The following NKAIN2 variants were observed in gnomAD, a reference collection of about 807,000 sequenced individuals.
NKAIN2 encodes the protein sodium/potassium transporting ATPase interacting 2.
Under a neutral mutation model 32.6 loss-of-function variants are expected in NKAIN2, and 14 were observed. The ratio of observed to expected loss-of-function variants is 0.43; its 90% CI spans 0.28 to 0.67. The LOEUF (loss-of-function observed/expected upper bound fraction) is 0.67, where lower values mean the gene tolerates loss of function less well. Ranked by LOEUF, NKAIN2 falls within the 30% of genes least tolerant of loss-of-function variation. NKAIN2 has a pLI of 0.17. For synonymous variants in NKAIN2, 80 were observed against 87.2 expected (o/e 0.92, Z 0.46); for missense variants, 198 against 258.3 (o/e 0.77, Z 1.60).
At chr6:124,345,398 A>C (rs1798360623) in intron 2 of NKAIN2, among the ~76,000 whole-genome samples, 1 of 152,198 alleles carries the variant, frequency 6.6e-6, no homozygotes, top group South Asian at 2.1e-4. Flanking sequence ...GAATTGTTTC[A>C]GAAGGAATTA....
chr6:124,278,650 CATATATATATATATAT>C lies in NKAIN2; in HGVS notation c.55-4330_55-4315del, dbSNP rs57008229. Among the ~76,000 whole-genome samples the C allele has an allele frequency of 3.3e-3, 226 of 68,994 alleles. 8 individuals carry two copies. The highest frequency in any genetic ancestry group is 3.5e-3 in the Non-Finnish European group (113 of 32,416). 45.3% of individuals were successfully genotyped at this position (68,994 alleles called of 152,430 possible). A position where few individuals can be genotyped will look rare whatever the true frequency, so the allele number is the denominator to read the frequency against. ...CACACAAACACACATATACATAGCT[CATATATATATATATAT>C]ATATATATATATATATATATATATG... On this transcript the variant is annotated intron_variant, in intron 1 of 6. Coordinates refer to ENST00000368417, the MANE Select transcript of NKAIN2 (RefSeq NM_001040214.3).
At position 124,205,900 on chromosome 6, in the gene NKAIN2, T is replaced by C. The variant is rs145507547; in HGVS notation, c.55-77105T>C. The stretch of plus-strand genomic sequence containing the variant: ...ATTTTCCATTCTTAAACAACAGGTT[T>C]ACTGTTATCCGTAATATACCTTAGT... On this transcript the variant is annotated intron_variant, in intron 1 of 6. Transcript: ENST00000368417. 9.2e-5 allele frequency among the ~76,000 whole-genome samples: 14 copies of C among 152,050 alleles called. No homozygotes were observed. The East Asian group carries it at 2.7e-3, about 29-fold the overall frequency.
intron 2 of NKAIN2, among the ~76,000 whole-genome samples, chr6:124,321,659 T>C (rs1287658129): frequency 1.3e-5 from 2 of 152,096 alleles, no homozygotes; most frequent in African/African-American, 2.4e-5. Flanking sequence ...AGCCAGGATA[T>C]ACCATGTCAT....
At chr6:124,281,864 A>G (rs916768522) in intron 1 of NKAIN2, among the ~76,000 whole-genome samples, 4 of 152,228 alleles carry the variant, frequency 2.6e-5, no homozygotes, top group African/African-American at 9.6e-5. Context: ...CTGAAAAGAA[A>G]TATCATTAAA....
intron 3 of NKAIN2, among the ~76,000 whole-genome samples, chr6:124,528,147 A>T (rs982285440): frequency 2.6e-5 from 4 of 152,194 alleles, no homozygotes; most frequent in African/African-American, 9.6e-5. Context: ...TCCATTTAAG[A>T]GGCTATTAAG....
intron 3 of NKAIN2, among the ~76,000 whole-genome samples, chr6:124,618,616 C>T (rs1782995146): frequency 6.6e-6 from 1 of 152,114 alleles, no homozygotes; most frequent in Non-Finnish European, 1.5e-5. Flanking sequence ...TGAAAAGAGC[C>T]ATTACATCTA....
At chr6:123,859,131 A>G (rs1775677799) in intron 1 of NKAIN2, among the ~76,000 whole-genome samples, 1 of 152,224 alleles carries the variant, frequency 6.6e-6, no homozygotes, top group Admixed American at 6.5e-5. Context: ...TAATGACTAC[A>G]CAATTAGCTC....
At chr6:124,268,083 A>G (rs1028362977) in intron 1 of NKAIN2, among the ~76,000 whole-genome samples, 2 of 152,170 alleles carry the variant, frequency 1.3e-5, no homozygotes, top group African/African-American at 4.8e-5. Context: ...GTAATAATTA[A>G]ATCATGTAAT....
At chr6:124,309,539 T>C (rs1222759678) in intron 2 of NKAIN2, among the ~76,000 whole-genome samples, 1 of 152,186 alleles carries the variant, frequency 6.6e-6, no homozygotes, top group Non-Finnish European at 1.5e-5. Context: ...CTTCTATCTA[T>C]AATATTGACA....
intron 2 of NKAIN2, among the ~76,000 whole-genome samples, chr6:124,304,599 CAGAG>C (rs1796434147): frequency 6.6e-6 from 1 of 152,150 alleles, no homozygotes; most frequent in Non-Finnish European, 1.5e-5. Flanking sequence ...ATCAACTACT[CAGAG>C]AGATCCACTT....
chr6:123,863,671 T>C (rs1775875393), intron 1 of NKAIN2, among the ~76,000 whole-genome samples: 1 of 152,184 alleles, frequency 6.6e-6, no homozygotes, highest in African/African-American at 2.4e-5. Flanking sequence ...CCTTGGTGCC[T>C]TCCATACTAA....
chr6:124,633,746 G>A (rs755584477), intron 3 of NKAIN2, among the ~76,000 whole-genome samples: 1 of 152,138 alleles, frequency 6.6e-6, no homozygotes, highest in Non-Finnish European at 1.5e-5. Context: ...TTGGAGCCCA[G>A]TACCCGTGCA....
chr6:124,330,536 G>A (rs1047562710), intron 2 of NKAIN2, among the ~76,000 whole-genome samples: 2 of 152,188 alleles, frequency 1.3e-5, no homozygotes, highest in Non-Finnish European at 2.9e-5. Context: ...TGACATGAAG[G>A]CTGCACCTGA....
intron 1 of NKAIN2, among the ~76,000 whole-genome samples, chr6:123,916,045 AC>A (rs1775477331): frequency 6.6e-6 from 1 of 152,156 alleles, no homozygotes; most frequent in African/African-American, 2.4e-5. Flanking sequence ...CAAAACACTT[AC>A]CTGGGGCAGA....
At chr6:123,842,271 A>G (rs1229647614) in intron 1 of NKAIN2, among the ~76,000 whole-genome samples, 1 of 152,210 alleles carries the variant, frequency 6.6e-6, no homozygotes, top group Non-Finnish European at 1.5e-5. Context: ...CAACTGTGGC[A>G]GCTGAGAAAT....
intron 3 of NKAIN2, among the ~76,000 whole-genome samples, chr6:124,475,064 A>G (rs111835569): frequency 0.045 from 6,811 of 151,850 alleles, 258 homozygotes; most frequent in Non-Finnish European, 0.065. Context: ...GCATTGGTTC[A>G]GACTAGATCA....
chr6:124,336,687 T>G (rs1403111607), intron 2 of NKAIN2, among the ~76,000 whole-genome samples: 3 of 151,152 alleles, frequency 2.0e-5, no homozygotes, highest in South Asian at 2.1e-4. Flanking sequence ...TGTTTGTTTT[T>G]TTTTTGAGAC....
At chr6:124,249,643 C>G (rs577867739) in intron 1 of NKAIN2, among the ~76,000 whole-genome samples, 2 of 152,002 alleles carry the variant, frequency 1.3e-5, no homozygotes, top group South Asian at 4.2e-4. Flanking sequence ...ACACGCACAA[C>G]AAGGAATCCA....
chr6:124,668,795 T>C (rs1416319937), intron 4 of NKAIN2, among the ~76,000 whole-genome samples: 1 of 152,146 alleles, frequency 6.6e-6, no homozygotes, highest in Non-Finnish European at 1.5e-5. Context: ...TGCTTACAAT[T>C]TAAAAATTAG....
Sources: allele counts gnomAD v4.1 joint callset (sites outside exome capture counted in the v4.1 genomes callset), GRCh38; gene constraint gnomAD v4.1.1; transcripts MANE v1.5; gene names NCBI Gene and HGNC (gene_info 2026-07-23, HGNC 2026-07-21).